Variants in FKBP15 observed in about 807,000 individuals in gnomAD.
FKBP15 encodes the protein FKBP prolyl isomerase family member 15.
In FKBP15, 106 loss-of-function variants were observed where a neutral mutation model predicts 158.1. That is an observed-to-expected ratio of 0.67 (90% CI 0.57 to 0.79). The LOEUF (loss-of-function observed/expected upper bound fraction) is 0.79, where lower values mean the gene tolerates loss of function less well. Among genes scored for constraint, FKBP15 ranks in the 30% least tolerant of loss-of-function variants. FKBP15 has a pLI of 0.00. For missense variants in FKBP15, 1,287 were observed against 1,479.1 expected (o/e 0.87, Z 2.13); for synonymous variants, 547 against 548.6 (o/e 1.00, Z 0.04).
chr9:113,195,886 G>GA (rs920779772), intron 9 of FKBP15, among the ~76,000 whole-genome samples: 28 of 151,660 alleles, frequency 1.8e-4, no homozygotes, highest in African/African-American at 5.1e-4. Context: ...CCATTCTACA[G>GA]AAAAAAAATC....
At chr9:113,189,515 ATAT>A (rs1255490257) in intron 12 of FKBP15, among the ~76,000 whole-genome samples, 2 of 152,094 alleles carry the variant, frequency 1.3e-5, no homozygotes, top group Non-Finnish European at 2.9e-5. Context: ...TTTAATAAAA[ATAT>A]TCTTATTTAC....
Position 113,178,746 on chromosome 9 carries a change from A to G in FKBP15, c.1970T>C (p.Leu657Pro). 6.2e-7 allele frequency: 1 copy of G among 1,609,508 alleles called. No individual in the cohort carries two copies. Among genetic ancestry groups the G allele is most frequent in the African/African-American group, 1.3e-5 (1 of 74,970 alleles). Residue 657 changes from leucine (L) to proline (P), a missense_variant, in exon 20 of 28, where the codon CTG becomes CCG. By Grantham distance (98) the Leu-to-Pro change is moderately conservative (BLOSUM62 -3). Coordinates refer to ENST00000238256, the MANE Select transcript of FKBP15 (RefSeq NM_015258.2). ...AATAQVSHLQ[L>P]KMTAHQKKET... ...CTTTTTTTGGTGAGCAGTCATTTTCAGCTGCAGATGAGAGACCTGTGCAGT... is the reference window on the plus strand; with the variant it reads ...CTTTTTTTGGTGAGCAGTCATTTTCGGCTGCAGATGAGAGACCTGTGCAGT...
chr9:113,184,487 G>C lies in FKBP15; in HGVS notation c.1609-88C>G. ...CAAGATTTGACCCTGTTGTTAAGGG[G>C]GTTAATGAGTTCCTGGGACAATCTC... On this transcript the variant is annotated intron_variant, in intron 16 of 27. Transcript: ENST00000238256. The surrounding 1 kb of genome is among the most constrained non-coding windows in gnomAD (Gnocchi z 4.5). 1 of 1,096,368 alleles carries C rather than the reference G, an allele frequency of 9.1e-7. No homozygotes were observed. The highest frequency in any genetic ancestry group is 2.1e-5 in the Admixed American group (1 of 48,330). 67.9% of individuals were successfully genotyped at this position (1,096,368 alleles called of 1,614,324 possible). A position where few individuals can be genotyped will look rare whatever the true frequency, so the allele number is the denominator to read the frequency against.
Position 113,161,868 on chromosome 9 carries a change from C to T in FKBP15, c.*4210G>A, listed in dbSNP as rs1231341245. The T allele has an allele frequency of 1.9e-5, 14 of 747,820 alleles. No individual in the cohort carries two copies. The highest frequency in any genetic ancestry group is 3.0e-5 in the South Asian group (2 of 67,704). 46.3% of individuals were successfully genotyped at this position (747,820 alleles called of 1,614,324 possible). A position where few individuals can be genotyped will look rare whatever the true frequency, so the allele number is the denominator to read the frequency against. ...GCCAAGTGAACTAGAGCTCATGTCT[C>T]CTGATGCCCAGGCCAAAGCACTCTG... is the stretch of plus-strand genomic sequence containing the variant. On this transcript the variant is annotated 3_prime_UTR_variant, in exon 28 of 28. Coordinates refer to ENST00000238256, the MANE Select transcript of FKBP15 (RefSeq NM_015258.2).
chr9:113,197,943 G>A (rs1196141095), intron 8 of FKBP15, among the ~76,000 whole-genome samples: 1 of 152,176 alleles, frequency 6.6e-6, no homozygotes, highest in East Asian at 1.9e-4. Context: ...TGGGAAAAGT[G>A]GTCATGAAAT....
chr9:113,205,643 CG>C, intron 4 of FKBP15, among the ~76,000 whole-genome samples: 1 of 152,266 alleles, frequency 6.6e-6, no homozygotes, highest in African/African-American at 2.4e-5. Context: ...AATTACCATA[CG>C]AGTCAGCAAT....
rs1015691815 is a variant in FKBP15 at position 113,184,552 on chromosome 9, C to A, written c.1608+143G>T. 1.1e-6 allele frequency: 1 copy of A among 920,414 alleles called. No individual in the cohort carries two copies. Among genetic ancestry groups the A allele is most frequent in the Non-Finnish European group, 1.7e-6 (1 of 589,912 alleles). 57.0% of individuals were successfully genotyped at this position (920,414 alleles called of 1,614,324 possible). On this transcript the variant is annotated intron_variant, in intron 16 of 27. Transcript: ENST00000238256. The surrounding 1 kb of genome is among the most constrained non-coding windows in gnomAD (Gnocchi z 4.5). ...GAGTTTTCTCCTACTAACTGGATCC[C>A]AACATAATTATAACTATCCTTGTAG...
intron 4 of FKBP15, 24 bp from the exon 5 acceptor site, chr9:113,203,059 G>GAA (rs10568341): frequency 1.6e-4 from 197 of 1,239,196 alleles, no homozygotes; most frequent in South Asian, 9.9e-4. Flanking sequence ...ACGACAGATA[G>GAA]AAAAAAAAAA....
Position 113,166,005 on chromosome 9 carries a change from C to T in FKBP15, c.*73G>A. ...GACCTCACCCTGTGGTTCGCCTAGA[C>T]CCAGGGTTGGCTGTGCAAAATCATG... On this transcript the variant is annotated 3_prime_UTR_variant, in exon 28 of 28. Transcript: ENST00000238256. 46 of 1,455,230 alleles carry T rather than the reference C, an allele frequency of 3.2e-5. No individual in the cohort carries two copies. Among genetic ancestry groups the T allele is most frequent in the Non-Finnish European group, 4.2e-5 (44 of 1,058,260 alleles). 90.1% of individuals were successfully genotyped at this position (1,455,230 alleles called of 1,614,324 possible). A position where few individuals can be genotyped will look rare whatever the true frequency, so the allele number is the denominator to read the frequency against.
chr9:113,214,658 A>G (rs1247622605), intron 1 of FKBP15, among the ~76,000 whole-genome samples: 2 of 152,196 alleles, frequency 1.3e-5, no homozygotes, highest in African/African-American at 4.8e-5. Context: ...TTATCCCCTA[A>G]TAAGAGTTAA....
At chr9:113,206,289 G>A (rs979069907) in intron 4 of FKBP15, 10 of 561,762 alleles carry the variant, frequency 1.8e-5, no homozygotes, top group Non-Finnish European at 3.2e-5. Context: ...ATATCACAAA[G>A]GTCAAATTTA....
intron 9 of FKBP15, among the ~76,000 whole-genome samples, chr9:113,196,213 G>A (rs1830678528): frequency 6.6e-6 from 1 of 151,998 alleles, no homozygotes; most frequent in Non-Finnish European, 1.5e-5. Flanking sequence ...ATTACTATGT[G>A]GCAGAGGTAG....
At chr9:113,215,644 A>ATTTTTTTT (rs1285341545) in intron 1 of FKBP15, among the ~76,000 whole-genome samples, 46 of 61,584 alleles carry the variant, frequency 7.5e-4, no homozygotes, top group South Asian at 3.9e-3. Context: ...ATATATATAT[A>ATTTTTTTT]TTTTTTTTTT....
At position 113,182,935 on chromosome 9, in the gene FKBP15, T is replaced by C. The variant is rs1008484381; in HGVS notation, c.1812-67A>G. Reference sequence around the variant, plus strand: ...TGAGTGTATGGCAGGCACAACCCAATGCCCATTCTGTCCTCACAACATTGC... The same window carrying C: ...TGAGTGTATGGCAGGCACAACCCAACGCCCATTCTGTCCTCACAACATTGC... On this transcript the variant is annotated intron_variant, in intron 18 of 27. Transcript: ENST00000238256. 1.8e-5 allele frequency: 23 copies of C among 1,256,388 alleles called. No individual in the cohort carries two copies. The African/African-American group carries it at 2.9e-4, about 16-fold the overall frequency. The allele number at this position is 1,256,388 out of a possible 1,614,324, so 77.8% of individuals were successfully genotyped here.
At chr9:113,200,069 A>AGATT in intron 6 of FKBP15, 106 bp from the exon 7 acceptor site, 1 of 1,274,968 alleles carries the variant, frequency 7.8e-7, no homozygotes, top group Non-Finnish European at 1.1e-6. Flanking sequence ...CTAACAAAAC[A>AGATT]GATTACATGT....
chr9:113,193,968 C>T, intron 10 of FKBP15, 59 bp downstream of exon 10: 3 of 1,483,586 alleles, frequency 2.0e-6, no homozygotes, highest in East Asian at 2.4e-5. Context: ...ATTTCTGAAC[C>T]CCTCTAAGAA....
intron 19 of FKBP15, among the ~76,000 whole-genome samples, chr9:113,180,279 G>A (rs117718846): frequency 6.6e-6 from 1 of 151,798 alleles, no homozygotes. Context: ...AGAAAATAAG[G>A]GAATGGATAA....
chr9:113,170,036 CTT>C, intron 25 of FKBP15, 94 bp from the exon 26 acceptor site: 1 of 1,426,362 alleles, frequency 7.0e-7, no homozygotes, highest in Non-Finnish European at 9.2e-7. Context: ...GTTTAAATGA[CTT>C]TGCTTCTTTC....
Position 113,206,740 on chromosome 9 carries a change from CAG to C in FKBP15, c.255-164_255-163del, listed in dbSNP as rs373324975. ...TTTTTTTTTTTTTTTTTTTTTGAGA[CAG>C]AGTCTCGCTCTGTCACCAGGCTGGA... On this transcript the variant is annotated intron_variant, in intron 3 of 27. Transcript: ENST00000238256. Among the ~76,000 whole-genome samples the C allele has an allele frequency of 5.0e-3, 571 of 115,032 alleles. 5 individuals carry two copies. The highest frequency in any genetic ancestry group is 0.018 in the African/African-American group (538 of 29,638). 75.5% of individuals were successfully genotyped at this position (115,032 alleles called of 152,430 possible). A position where few individuals can be genotyped will look rare whatever the true frequency, so the allele number is the denominator to read the frequency against.
Sources: gnomAD v4.1 joint callset for allele counts (sites outside exome capture counted in the v4.1 genomes callset) on GRCh38, gnomAD v4.1.1 for gene constraint, Gnocchi (gnomAD v3.1) non-coding constraint, MANE v1.5 for transcripts, NCBI Gene and HGNC (gene_info 2026-07-23, HGNC 2026-07-21) for gene names.